The following CSMD1 variants were observed in gnomAD, a reference collection of about 807,000 sequenced individuals.
CSMD1 encodes CUB and sushi domain-containing protein 1.
A neutral mutation model predicts 417.5 loss-of-function variants in CSMD1; 213 were observed. That is an observed-to-expected ratio of 0.51 (90% CI 0.46 to 0.57). The LOEUF (loss-of-function observed/expected upper bound fraction) is 0.57, where lower values mean the gene tolerates loss of function less well. Ranked by LOEUF, CSMD1 falls within the 20% of genes least tolerant of loss-of-function variation. The probability of loss-of-function intolerance (pLI) is 0.00; values close to 1 mark genes in which losing one functional copy is unlikely to be tolerated. For synonymous variants in CSMD1, 2,862 were observed against 1,736.8 expected, an observed-to-expected ratio of 1.65 and a Z score of -16.11; for missense variants, 6,923 against 4,529.7, an observed-to-expected ratio of 1.53 and a Z score of -15.17.
intron 3 of CSMD1, among the ~76,000 whole-genome samples, chr8:4,046,699 G>A (rs937109228): frequency 6.6e-6 from 1 of 152,196 alleles, no homozygotes; most frequent in South Asian, 2.1e-4. Flanking sequence ...TTAAAAGGAT[G>A]TAGATATTAT....
At chr8:3,431,674 A>G (rs935412338) in intron 12 of CSMD1, among the ~76,000 whole-genome samples, 14 of 152,190 alleles carry the variant, frequency 9.2e-5, no homozygotes, top group African/African-American at 3.1e-4. Context: ...TGTTTCCGGT[A>G]ACATATGACC....
intron 51 of CSMD1, among the ~76,000 whole-genome samples, chr8:3,025,939 T>C (rs1448057620): frequency 6.6e-6 from 1 of 152,184 alleles, no homozygotes; most frequent in Non-Finnish European, 1.5e-5. Context: ...ATGATATAGT[T>C]ATAAAAAGGT....
In CSMD1 at chr8:4,250,268, C is replaced by T. The variant is rs140540342; in HGVS notation, c.415+169685G>A. On this transcript the variant is annotated intron_variant, in intron 3 of 69. Coordinates refer to ENST00000635120, the MANE Select transcript of CSMD1 (RefSeq NM_033225.6). ...CAACCTGCAAGAACAAAAAGCCTCT[C>T]TAGTGATATAAATAGCCCAGCTCAG... is the stretch of plus-strand genomic sequence containing the variant. Among the ~76,000 whole-genome samples, 9 of 152,300 alleles carry T rather than the reference C, an allele frequency of 5.9e-5. No individual in the cohort carries two copies. In the East Asian group the frequency reaches 1.7e-3, roughly 29 times the overall value.
chr8:4,595,387 C>CTTTTTTTTTTTTTTCTTTTTTTTT, intron 2 of CSMD1, among the ~76,000 whole-genome samples: 2 of 147,448 alleles, frequency 1.4e-5, no homozygotes, highest in African/African-American at 4.9e-5. Flanking sequence ...CATTCATTTT[C>CTTTTTTTTTTTTTTCTTTTTTTTT]ATTCCATCCA....
chr8:4,938,513 G>C (rs1807769859), intron 1 of CSMD1, among the ~76,000 whole-genome samples: 1 of 152,140 alleles, frequency 6.6e-6, no homozygotes, highest in Non-Finnish European at 1.5e-5. Flanking sequence ...ATAGACACCT[G>C]GTGACTACCC....
chr8:4,117,173 A>G (rs78377605), intron 3 of CSMD1, among the ~76,000 whole-genome samples: 22,687 of 151,800 alleles, frequency 0.15, 1,913 homozygotes, highest in Non-Finnish European at 0.17. Flanking sequence ...TTATCTGAGT[A>G]TTATTCATCT....
chr8:4,606,984 T>C (rs571813364), intron 2 of CSMD1, among the ~76,000 whole-genome samples: 4 of 152,214 alleles, frequency 2.6e-5, no homozygotes, highest in South Asian at 4.1e-4. Flanking sequence ...GCAAGTTAAA[T>C]TTTTTCATGT....
At position 3,874,931 on chromosome 8, in the gene CSMD1, G is replaced by C. The variant is rs540380033; in HGVS notation, c.819-120889C>G. Among the ~76,000 whole-genome samples the C allele has an allele frequency of 2.9e-4, 44 of 152,250 alleles. No homozygotes were observed. In the East Asian group the frequency reaches 4.8e-3, roughly 17 times the overall value. On this transcript the variant is annotated intron_variant, in intron 5 of 69. Transcript: ENST00000635120. ...TTGAATAAGACTTGGGGAAGACCTT[G>C]GGGCCTGACATTTAATCTGAGAGCT...
intron 1 of CSMD1, among the ~76,000 whole-genome samples, chr8:4,985,816 A>G (rs1811149703): frequency 6.6e-6 from 1 of 152,216 alleles, no homozygotes; most frequent in South Asian, 2.1e-4. Flanking sequence ...AGACAAAAAC[A>G]AAATACCCTC....
At chr8:4,074,791 T>C (rs1219235682) in intron 3 of CSMD1, among the ~76,000 whole-genome samples, 1 of 152,192 alleles carries the variant, frequency 6.6e-6, no homozygotes, top group African/African-American at 2.4e-5. Flanking sequence ...TCTTTAGTTA[T>C]GACTGTGGTA....
rs183638966 is a variant in CSMD1, at chr8:4,223,116, C to G, written c.416-191017G>C. Among the ~76,000 whole-genome samples, 11 of 152,158 alleles carry G rather than the reference C, an allele frequency of 7.2e-5. 1 individual carries two copies. In the South Asian group the frequency reaches 1.0e-3, roughly 14 times the overall value. ...GCCCTGCCCTGAGCATCTGTAGTAG[C>G]AAGTGGCTCAGTAAGACCTTGGGGA... is the stretch of plus-strand genomic sequence containing the variant. On this transcript the variant is annotated intron_variant, in intron 3 of 69. Transcript: ENST00000635120.
chr8:4,740,611 A>T (rs921009445), intron 1 of CSMD1, among the ~76,000 whole-genome samples: 3 of 152,182 alleles, frequency 2.0e-5, no homozygotes, highest in Non-Finnish European at 2.9e-5. Flanking sequence ...AATTGATGAA[A>T]TGTTGTGGAA....
chr8:2,995,542 C>A (rs1243172132), intron 54 of CSMD1, among the ~76,000 whole-genome samples: 1 of 152,170 alleles, frequency 6.6e-6, no homozygotes, highest in Non-Finnish European at 1.5e-5. Flanking sequence ...CATTTACACT[C>A]TTGGGCATTT....
At chr8:3,288,901 G>A (rs1357294372) in intron 25 of CSMD1, among the ~76,000 whole-genome samples, 2 of 146,750 alleles carry the variant, frequency 1.4e-5, no homozygotes, top group Non-Finnish European at 2.9e-5. Flanking sequence ...ATGTATACAT[G>A]TGCCATGCTG....
chr8:4,541,834 A>G (rs1456742717), intron 2 of CSMD1, among the ~76,000 whole-genome samples: 2 of 152,170 alleles, frequency 1.3e-5, no homozygotes, highest in Admixed American at 6.5e-5. Context: ...ATAAATCCTG[A>G]CAAAACTGTA....
At chr8:3,821,551 G>A (rs958557290) in intron 5 of CSMD1, among the ~76,000 whole-genome samples, 2 of 152,166 alleles carry the variant, frequency 1.3e-5, no homozygotes, top group Admixed American at 6.5e-5. Flanking sequence ...GAAAGGCCGA[G>A]GAGGGCGGAT....
chr8:3,422,717 T>G (rs1468427394), intron 12 of CSMD1, among the ~76,000 whole-genome samples: 1 of 152,208 alleles, frequency 6.6e-6, no homozygotes, highest in Non-Finnish European at 1.5e-5. Context: ...CTTAGTCCCC[T>G]TGTGCTGCGA....
intron 1 of CSMD1, among the ~76,000 whole-genome samples, chr8:4,902,581 T>C (rs535911040): frequency 1.3e-5 from 2 of 152,354 alleles, no homozygotes; most frequent in Admixed American, 1.3e-4. Context: ...GAAAATATTA[T>C]GCTGTGGCTA....
intron 5 of CSMD1, among the ~76,000 whole-genome samples, chr8:3,975,965 AATCAGTTTTTAATCT>A (rs1754261074): frequency 6.6e-6 from 1 of 152,174 alleles, no homozygotes; most frequent in Non-Finnish European, 1.5e-5. Flanking sequence ...TTAACATTAA[AATCAGTTTTTAATCT>A]ATCAGTTTTT....
Sources: allele counts gnomAD v4.1 joint callset (sites outside exome capture counted in the v4.1 genomes callset), GRCh38; gene constraint gnomAD v4.1.1; transcripts MANE v1.5; gene names NCBI Gene and HGNC (gene_info 2026-07-23, HGNC 2026-07-21).